The following ADGRE1 variants were observed in gnomAD, a reference collection of about 807,000 sequenced individuals.
ADGRE1 encodes adhesion G protein-coupled receptor E1.
Under a neutral mutation model 102.7 loss-of-function variants are expected in ADGRE1, and 82 were observed. The observed-to-expected ratio is 0.80, with a 90% confidence interval of 0.67 to 0.96. ADGRE1 has a LOEUF of 0.96. Ranked by LOEUF, ADGRE1 falls within the 40% of genes least tolerant of loss-of-function variation. ADGRE1 has a pLI of 0.00. For synonymous variants in ADGRE1, 398 were observed against 399.6 expected, an observed-to-expected ratio of 1.00 and a Z score of 0.05; for missense variants, 1,032 against 1,085.3, an observed-to-expected ratio of 0.95 and a Z score of 0.69.
intron 5 of ADGRE1, chr19:6,898,479 C>T (rs1973653431): frequency 1.3e-6 from 2 of 1,583,674 alleles, no homozygotes; most frequent in African/African-American, 1.4e-5. Flanking sequence ...CCCTCAGGTT[C>T]CCAGGGATGG....
chr19:6,896,722 T>C lies in ADGRE1; in HGVS notation c.238+181T>C, dbSNP rs1973566921. 7.6e-6 allele frequency: 5 copies of C among 660,452 alleles called. No homozygotes were observed. The South Asian group carries it at 1.2e-4, about 15-fold the overall frequency. The allele number at this position is 660,452 out of a possible 1,614,324, so 40.9% of individuals were successfully genotyped here. A position where few individuals can be genotyped will look rare whatever the true frequency, so the allele number is the denominator to read the frequency against. On this transcript the variant is annotated intron_variant, in intron 3 of 20. Coordinates refer to ENST00000312053, the MANE Select transcript of ADGRE1 (RefSeq NM_001974.5). Reference sequence around the variant, plus strand: ...AGGTTAATATTGATATGTGGGGGTGTTGTTACTGTCACAGCATTGCTAGCT... The same window carrying C: ...AGGTTAATATTGATATGTGGGGGTGCTGTTACTGTCACAGCATTGCTAGCT...
chr19:6,930,899 A>G (rs895486433), intron 17 of ADGRE1, among the ~76,000 whole-genome samples: 1 of 152,066 alleles, frequency 6.6e-6, no homozygotes, highest in Non-Finnish European at 1.5e-5. Context: ...TCGACCTCCC[A>G]AAGTGCTGGG....
intron 20 of ADGRE1, among the ~76,000 whole-genome samples, chr19:6,938,681 A>G (rs1975539659): frequency 6.6e-6 from 1 of 151,554 alleles, no homozygotes; most frequent in Admixed American, 6.6e-5. Flanking sequence ...CCAGTATGCA[A>G]TGGGGTTGGA....
rs972096447 is a variant in ADGRE1, at chr19:6,919,590, C to T, written c.1463C>T (p.Ser488Leu). 5.0e-6 allele frequency: 8 copies of T among 1,613,232 alleles called. No individual in the cohort carries two copies. The highest frequency in any genetic ancestry group is 6.8e-6 in the Non-Finnish European group (8 of 1,179,908). ...VAFVSFVGMESVLNERFFKDH... is the reference protein window; with the variant it reads ...VAFVSFVGMELVLNERFFKDH... Reference sequence around the variant, plus strand: ...TTTGTCTCCTTTGTGGGCATGGAATCGGTTTTAAATGAGCGCTTCTTCAAA... The same window carrying T: ...TTTGTCTCCTTTGTGGGCATGGAATTGGTTTTAAATGAGCGCTTCTTCAAA... Residue 488 changes from serine to leucine, a missense_variant, in exon 13 of 21, where the codon TCG becomes TTG. Coordinates refer to ENST00000312053, the MANE Select transcript of ADGRE1 (RefSeq NM_001974.5).
At chr19:6,898,599 C>T in intron 5 of ADGRE1, 2 of 1,461,844 alleles carry the variant, frequency 1.4e-6, no homozygotes, top group African/African-American at 1.4e-5. Flanking sequence ...TCAGTGAGTC[C>T]CTCACCAGCA....
At position 6,921,896 on chromosome 19, in the gene ADGRE1, G is replaced by T. The variant is rs1470618203; in HGVS notation, c.1791+13G>T. 3 of 1,593,660 alleles carry T rather than the reference G, an allele frequency of 1.9e-6. No homozygotes were observed. Among genetic ancestry groups the T allele is most frequent in the African/African-American group, 1.3e-5 (1 of 74,112 alleles). ...TGGGGAGCTCACGGTCAGTACTGATGATTTGTTCCCTGAGGCAGAGTATCT... is the reference window on the plus strand; with the variant it reads ...TGGGGAGCTCACGGTCAGTACTGATTATTTGTTCCCTGAGGCAGAGTATCT... On this transcript the variant is annotated intron_variant, in intron 14 of 20. Coordinates refer to ENST00000312053, the MANE Select transcript of ADGRE1 (RefSeq NM_001974.5).
Position 6,913,759 on chromosome 19 carries a change from A to G in ADGRE1, c.1229A>G (p.Glu410Gly). The G allele has an allele frequency of 6.2e-7, 1 of 1,612,882 alleles. No homozygotes were observed. Among genetic ancestry groups the G allele is most frequent in the Non-Finnish European group, 8.5e-7 (1 of 1,179,382 alleles). ...SLATVFLESV[E>G]SMTLASFWKP... ...GCCACAGTCTTCCTGGAGAGTGTGG[A>G]AAGCATGACACTGGCATCTTTTTGG... Residue 410 changes from glutamate (E) to glycine (G), a missense_variant, in exon 11 of 21, where the codon GAA (glutamate) becomes GGA (glycine). Glu to Gly is a moderately conservative substitution (Grantham distance 98, BLOSUM62 -2). Transcript: ENST00000312053.
In ADGRE1 at chr19:6,940,346, T is replaced by G. The variant is rs45508102; in HGVS notation, c.*317T>G. On this transcript the variant is annotated 3_prime_UTR_variant, in exon 21 of 21. Coordinates refer to ENST00000312053, the MANE Select transcript of ADGRE1 (RefSeq NM_001974.5). ...GCTACCATTTTGTTTTCTCCTGCCC[T>G]TGTTGGTGCATGGTTCTAAGCATGC... The G allele has an allele frequency of 0.071, 33,173 of 466,002 alleles. 1,280 individuals carry two copies. The highest frequency in any genetic ancestry group is 0.091 in the South Asian group (3,823 of 41,992). 28.9% of individuals were successfully genotyped at this position (466,002 alleles called of 1,614,324 possible). A position where few individuals can be genotyped will look rare whatever the true frequency, so the allele number is the denominator to read the frequency against.
intron 10 of ADGRE1, among the ~76,000 whole-genome samples, chr19:6,912,095 TAC>T (rs1441493108): frequency 6.0e-5 from 9 of 151,038 alleles, no homozygotes; most frequent in Admixed American, 2.6e-4. Context: ...CACACATATA[TAC>T]ACACACGTAT....
intron 18 of ADGRE1, among the ~76,000 whole-genome samples, chr19:6,936,879 T>C (rs2145040424): frequency 6.6e-6 from 1 of 152,264 alleles, no homozygotes. Context: ...AGCCTTGGCC[T>C]CCCAAAGTGC....
chr19:6,901,780 C>T, intron 5 of ADGRE1, 95 bp from the exon 6 acceptor site: 1 of 1,325,362 alleles, frequency 7.5e-7, no homozygotes, highest in South Asian at 1.3e-5. Flanking sequence ...GCCCTGTCTG[C>T]TGAAAATCAA....
intron 10 of ADGRE1, among the ~76,000 whole-genome samples, chr19:6,909,969 G>T (rs1253443468): frequency 6.6e-6 from 1 of 151,372 alleles, no homozygotes; most frequent in Non-Finnish European, 1.5e-5. Flanking sequence ...CCCGACCTCA[G>T]GCGATCCACC....
intron 13 of ADGRE1, among the ~76,000 whole-genome samples, chr19:6,920,790 A>G (rs1974635808): frequency 6.6e-6 from 1 of 152,138 alleles, no homozygotes; most frequent in Non-Finnish European, 1.5e-5. Flanking sequence ...GATTACAGGC[A>G]TGAGCCACCG....
chr19:6,916,307 G>C lies in ADGRE1; in HGVS notation c.1359G>C (p.Leu453Phe), dbSNP rs1028959427. The C allele has an allele frequency of 2.5e-6, 4 of 1,613,320 alleles. No individual in the cohort carries two copies. Among genetic ancestry groups the C allele is most frequent in the Non-Finnish European group, 3.4e-6 (4 of 1,179,614 alleles). ...GTGAAGAGAATGTGACGTTGGACTT[G>C]GTAGCCAAGGGGGATAAGATGAAGA... Reference protein sequence around the residue: ...ECSEENVTLDLVAKGDKMKIG... With the variant: ...ECSEENVTLDFVAKGDKMKIG... The change falls in exon 12 of 21, where the codon TTG becomes TTC. Residue 453 changes from leucine (L) to phenylalanine (F), a missense_variant. Transcript: ENST00000312053.
intron 1 of ADGRE1, among the ~76,000 whole-genome samples, chr19:6,887,874 G>A (rs981847231): frequency 1.3e-5 from 2 of 152,140 alleles, no homozygotes; most frequent in Admixed American, 1.3e-4. Context: ...TGTGTGTCAG[G>A]TGCTGTTCTA....
Position 6,916,281 on chromosome 19 carries a change from A to C in ADGRE1, c.1333A>C (p.Ser445Arg). 1 of 1,613,592 alleles carries C rather than the reference A, an allele frequency of 6.2e-7. No individual in the cohort carries two copies. The highest frequency in any genetic ancestry group is 8.5e-7 in the Non-Finnish European group (1 of 1,179,658). ...IESKVINKEC[S>R]EENVTLDLVA... is the part of the protein sequence containing the mutation. ...GAGCAAAGTTATCAACAAAGAATGC[A>C]GTGAAGAGAATGTGACGTTGGACTT... Residue 445 changes from serine (S) to arginine (R), a missense_variant, in exon 12 of 21, where the codon AGT (serine) becomes CGT (arginine). By Grantham distance (110) the Ser-to-Arg change is moderately radical (BLOSUM62 -1). Coordinates refer to ENST00000312053, the MANE Select transcript of ADGRE1 (RefSeq NM_001974.5).
intron 12 of ADGRE1, among the ~76,000 whole-genome samples, chr19:6,917,302 C>G (rs1372086273): frequency 6.6e-6 from 1 of 151,996 alleles, no homozygotes; most frequent in Non-Finnish European, 1.5e-5. Context: ...AAGCGAAGTC[C>G]TGAGGAATAG....
At chr19:6,905,579 G>C (rs2607128) in intron 8 of ADGRE1, among the ~76,000 whole-genome samples, 55,594 of 151,004 alleles carry the variant, frequency 0.37, 11,950 homozygotes, top group African/African-American at 0.6. Flanking sequence ...TCTTGAACTC[G>C]TGATCTTGTG....
In ADGRE1 at chr19:6,937,834, T is replaced by TTATC. The variant is rs144649712; in HGVS notation, c.2655+192_2655+195dup. ...GTATATATTAGCAGACACACACACATTATCTATCTCTCTATTTAAATAAAA... is the reference window on the plus strand; with the variant it reads ...GTATATATTAGCAGACACACACACATTATCTATCTATCTCTCTATTTAAATAAAA... On this transcript the variant is annotated intron_variant, in intron 20 of 20. Transcript: ENST00000312053. Among the ~76,000 whole-genome samples the TTATC allele has an allele frequency of 4.7e-3, 722 of 152,140 alleles. 7 individuals are homozygous for TTATC. Among genetic ancestry groups the TTATC allele is most frequent in the African/African-American group, 0.015 (634 of 41,498 alleles).
Sources: gnomAD v4.1 joint callset for allele counts (sites outside exome capture counted in the v4.1 genomes callset) on GRCh38, gnomAD v4.1.1 for gene constraint, MANE v1.5 for transcripts, NCBI Gene and HGNC (gene_info 2026-07-23, HGNC 2026-07-21) for gene names.